Variants in OTUD7B observed in about 807,000 individuals in gnomAD.
The protein encoded by OTUD7B is OTU domain-containing protein 7B.
In OTUD7B, 34 loss-of-function variants were observed where a neutral mutation model predicts 82.2. The observed-to-expected ratio is 0.41, with a 90% CI of 0.31 to 0.55. OTUD7B has a LOEUF of 0.55. Among genes scored for constraint, OTUD7B ranks in the 20% least tolerant of loss-of-function variants. The pLI is 0.20. For missense variants in OTUD7B, 944 were observed against 1,062.1 expected, an observed-to-expected ratio of 0.89 and a Z score of 1.55; for synonymous variants, 398 against 402.7, an observed-to-expected ratio of 0.99 and a Z score of 0.14.
chr1:149,953,060 C>G (rs1303751375), intron 7 of OTUD7B, among the ~76,000 whole-genome samples: 2 of 152,122 alleles, frequency 1.3e-5, no homozygotes, highest in Non-Finnish European at 2.9e-5. Context: ...AATTAGATCC[C>G]ATTTGTCTAT....
At chr1:150,015,290 CTTTT>C (rs60374988), upstream of OTUD7B, among the ~76,000 whole-genome samples, 1 of 128,976 alleles carries the variant, frequency 7.8e-6, no homozygotes, top group East Asian at 2.2e-4. Flanking sequence ...TTTTCTTTCT[CTTTT>C]TTTTTTTGTT....
At chr1:149,983,863 C>A (rs955881733) in intron 1 of OTUD7B, among the ~76,000 whole-genome samples, 6 of 152,118 alleles carry the variant, frequency 3.9e-5, no homozygotes, top group African/African-American at 1.4e-4. Flanking sequence ...TGCAAAATAG[C>A]GCTAAACCAG....
chr1:149,947,377 A>C (rs781864276), intron 10 of OTUD7B, 42 bp from the exon 11 acceptor site: 2 of 1,219,112 alleles, frequency 1.6e-6, no homozygotes, highest in Non-Finnish European at 2.4e-6. Context: ...ACCTTTTAAA[A>C]GCAAAGCAAT....
chr1:150,020,333 C>T, the OTUD7B span, among the ~76,000 whole-genome samples: 17 of 152,082 alleles, frequency 1.1e-4, no homozygotes, highest in East Asian at 2.5e-3. Context: ...GTCAGGAGTT[C>T]GAGACCAGCC....
intron 7 of OTUD7B, among the ~76,000 whole-genome samples, chr1:149,958,044 A>G (rs917050184): frequency 6.6e-5 from 10 of 152,148 alleles, no homozygotes; most frequent in African/African-American, 2.4e-4. Context: ...CCCACTGTCC[A>G]ACAAGCCCTA....
the OTUD7B span, among the ~76,000 whole-genome samples, chr1:150,016,907 C>T: frequency 1.3e-5 from 2 of 152,160 alleles, no homozygotes; most frequent in African/African-American, 4.8e-5. Context: ...CACCATGTTA[C>T]CACCCAACTG....
chr1:150,062,705 T>TTC, the OTUD7B span, among the ~76,000 whole-genome samples: 5 of 79,252 alleles, frequency 6.3e-5, no homozygotes, highest in African/African-American at 2.6e-4. Flanking sequence ...TTTCTTCTTC[T>TTC]TTCTTTTTTT....
chr1:149,999,266 C>T (rs74774309), intron 1 of OTUD7B, among the ~76,000 whole-genome samples: 7,149 of 152,212 alleles, frequency 0.047, 216 homozygotes, highest in Non-Finnish European at 0.072. Flanking sequence ...TGACAGGACA[C>T]CTTGTGCCAA....
At chr1:150,040,615 G>A in the OTUD7B span, among the ~76,000 whole-genome samples, 1 of 151,876 alleles carries the variant, frequency 6.6e-6, no homozygotes, top group Non-Finnish European at 1.5e-5. Context: ...TATTTTCTAT[G>A]CTATGGAAAT....
chr1:150,023,957 A>G, the OTUD7B span, among the ~76,000 whole-genome samples: 3 of 152,334 alleles, frequency 2.0e-5, no homozygotes, highest in East Asian at 5.8e-4. Context: ...CCTCCTGCAT[A>G]TGTTAATGAG....
the OTUD7B span, among the ~76,000 whole-genome samples, chr1:150,044,492 G>T: frequency 6.6e-6 from 1 of 151,942 alleles, no homozygotes; most frequent in African/African-American, 2.4e-5. Flanking sequence ...ACAGGCATGA[G>T]CCACCTGTTA....
At position 149,943,387 on chromosome 1, in the gene OTUD7B, T is replaced by A. The variant is rs1268648035; in HGVS notation, c.*470A>T. ...TAGCTTAATTCAAATCAATAGCAAA[T>A]GTGTCCAATTTCCCACTTCCCCTCC... On this transcript the variant is annotated 3_prime_UTR_variant, in exon 12 of 12. Transcript: ENST00000581312. 1.3e-5 allele frequency: 2 copies of A among 159,442 alleles called. No individual in the cohort carries two copies. The highest frequency in any genetic ancestry group is 4.8e-5 in the African/African-American group (2 of 41,522). The allele number at this position is 159,442 out of a possible 1,614,324, so 9.9% of individuals were successfully genotyped here.
Position 149,950,205 on chromosome 1 carries a change from C to G in OTUD7B, c.862G>C (p.Glu288Gln), listed in dbSNP as rs1553773053. 1.2e-6 allele frequency: 2 copies of G among 1,613,928 alleles called. No individual in the cohort carries two copies. The highest frequency in any genetic ancestry group is 1.7e-6 in the Non-Finnish European group (2 of 1,180,014). ...TCTTCAAGGCTCTCATATACAGGCT[C>G]CTCAGAACTCTCCACCCTGGAACGA... Reference protein sequence around the residue: ...ANCGGVESSEEPVYESLEEFH... With the variant: ...ANCGGVESSEQPVYESLEEFH... Residue 288 changes from glutamate (E) to glutamine (Q), a missense_variant, in exon 8 of 12, where the codon GAG becomes CAG. This residue lies in a region of OTUD7B where 530 missense variants were observed against 625.6 expected (regional missense o/e 0.85). Coordinates refer to ENST00000581312, the MANE Select transcript of OTUD7B (RefSeq NM_020205.4).
At chr1:150,042,693 A>G in the OTUD7B span, among the ~76,000 whole-genome samples, 1 of 152,056 alleles carries the variant, frequency 6.6e-6, no homozygotes, top group African/African-American at 2.4e-5. Context: ...GAGTCATTTT[A>G]CACATTTGTC....
chr1:150,039,562 G>A, the OTUD7B span, among the ~76,000 whole-genome samples: 4 of 151,984 alleles, frequency 2.6e-5, no homozygotes, highest in East Asian at 5.8e-4. Context: ...ATTTTTAATA[G>A]AGACAGAGTT....
At chr1:150,038,588 T>C in the OTUD7B span, among the ~76,000 whole-genome samples, 2 of 151,974 alleles carry the variant, frequency 1.3e-5, no homozygotes, top group Admixed American at 6.6e-5. Flanking sequence ...GATTTCGTCA[T>C]GTTGCCCAGG....
At chr1:149,954,597 G>T (rs1648519011) in intron 7 of OTUD7B, among the ~76,000 whole-genome samples, 1 of 152,090 alleles carries the variant, frequency 6.6e-6, no homozygotes, top group Non-Finnish European at 1.5e-5. Context: ...TTTTTCTATT[G>T]ATTGGAATAG....
intron 1 of OTUD7B, among the ~76,000 whole-genome samples, chr1:149,997,461 T>TA (rs1360753985): frequency 1.3e-5 from 2 of 151,924 alleles, no homozygotes; most frequent in Non-Finnish European, 2.9e-5. Context: ...TTCCTTTTAC[T>TA]AAAAAAAAGA....
the OTUD7B span, among the ~76,000 whole-genome samples, chr1:150,049,951 C>T: frequency 2.0e-5 from 3 of 152,084 alleles, no homozygotes; most frequent in African/African-American, 4.8e-5. Flanking sequence ...ATGGCTCATT[C>T]CTGTCATCCC....
Sources: allele counts gnomAD v4.1 joint callset (sites outside exome capture counted in the v4.1 genomes callset), GRCh38; gene constraint gnomAD v4.1.1; regional missense constraint gnomAD v4.1.1; transcripts MANE v1.5; gene names NCBI Gene and HGNC (gene_info 2026-07-23, HGNC 2026-07-21).